L3MBTL4: variants seen among roughly 807,000 people sequenced by gnomAD.
The protein encoded by L3MBTL4 is L3MBTL histone methyl-lysine binding protein 4.
Under a neutral mutation model 84.5 loss-of-function variants are expected in L3MBTL4, and 70 were observed. The ratio of observed to expected loss-of-function variants is 0.83; its 90% CI spans 0.68 to 1.01. L3MBTL4 has a LOEUF of 1.01. Ranked by LOEUF, L3MBTL4 falls within the 50% of genes least tolerant of loss-of-function variation. L3MBTL4 has a pLI of 0.00. For synonymous variants in L3MBTL4, 274 were observed against 259.8 expected, an observed-to-expected ratio of 1.05 and a Z score of -0.52; for missense variants, 715 against 754.8, an observed-to-expected ratio of 0.95 and a Z score of 0.62.
chr18:6,050,844 T>G (rs1028175070), intron 16 of L3MBTL4, among the ~76,000 whole-genome samples: 1 of 152,186 alleles, frequency 6.6e-6, no homozygotes, highest in African/African-American at 2.4e-5. Context: ...CAAATTTTGT[T>G]GTAGAATGTG....
rs904763313 is a variant in L3MBTL4 at position 6,302,011 on chromosome 18, A to G, written c.73-54T>C. 4 of 1,361,960 alleles carry G rather than the reference A, an allele frequency of 2.9e-6. No homozygotes were observed. In the Admixed American group the frequency reaches 6.7e-5, roughly 23 times the overall value. The allele number at this position is 1,361,960 out of a possible 1,614,324, so 84.4% of individuals were successfully genotyped here. ...GTATTGCTGGATAATTGTTGGAAACACTGAAAACTAATGTTCCTTTTTGCA... is the reference window on the plus strand; with the variant it reads ...GTATTGCTGGATAATTGTTGGAAACGCTGAAAACTAATGTTCCTTTTTGCA... On this transcript the variant is annotated intron_variant, in intron 3 of 18. Coordinates refer to ENST00000317931, the MANE Select transcript of L3MBTL4 (RefSeq NM_001330559.2).
chr18:6,054,380 G>A (rs1263117587), intron 16 of L3MBTL4, among the ~76,000 whole-genome samples: 3 of 152,004 alleles, frequency 2.0e-5, no homozygotes, highest in African/African-American at 7.3e-5. Context: ...GTGGAGTCAG[G>A]GGTATGAAAG....
intron 16 of L3MBTL4, among the ~76,000 whole-genome samples, chr18:6,070,697 G>A (rs1398895787): frequency 2.0e-5 from 3 of 152,022 alleles, no homozygotes; most frequent in Non-Finnish European, 4.4e-5. Context: ...AATTAGCCGG[G>A]CATGGTGGCA....
At chr18:6,221,097 C>T (rs2046532008) in intron 10 of L3MBTL4, among the ~76,000 whole-genome samples, 1 of 152,044 alleles carries the variant, frequency 6.6e-6, no homozygotes, top group African/African-American at 2.4e-5. Context: ...TAAAGGCACC[C>T]TCGATTATTT....
intron 16 of L3MBTL4, among the ~76,000 whole-genome samples, chr18:5,971,460 C>T (rs1311807718): frequency 6.6e-6 from 1 of 151,710 alleles, no homozygotes; most frequent in African/African-American, 2.4e-5. Flanking sequence ...ATATATGTAT[C>T]TCAAACTCAT....
chr18:6,175,617 A>G (rs2044193452), intron 12 of L3MBTL4, among the ~76,000 whole-genome samples: 1 of 152,216 alleles, frequency 6.6e-6, no homozygotes, highest in Non-Finnish European at 1.5e-5. Flanking sequence ...ATACAGAAAA[A>G]GTATTTGACA....
intron 10 of L3MBTL4, among the ~76,000 whole-genome samples, chr18:6,229,260 T>G (rs1222084821): frequency 6.6e-6 from 1 of 152,196 alleles, no homozygotes; most frequent in African/African-American, 2.4e-5. Flanking sequence ...TTTTTATCTA[T>G]AAGACTTGTA....
chr18:6,214,707 T>G (rs142578127), intron 11 of L3MBTL4, among the ~76,000 whole-genome samples: 3 of 152,220 alleles, frequency 2.0e-5, no homozygotes, highest in East Asian at 3.9e-4. Flanking sequence ...AGAATCTTTC[T>G]GTTCTCCCCA....
rs769830543 is a variant in L3MBTL4, at chr18:6,238,086, A to G, written c.708-46T>C. 1.4e-5 allele frequency: 22 copies of G among 1,518,724 alleles called. No individual in the cohort carries two copies. In the South Asian group the frequency reaches 2.5e-4, roughly 17 times the overall value. 94.1% of individuals were successfully genotyped at this position (1,518,724 alleles called of 1,614,324 possible). ...ATTACGTTCCGTTTTACTTCATGCC[A>G]GAGAAAGAATTCAAGAGTAACAATC... On this transcript the variant is annotated intron_variant, in intron 9 of 18. Transcript: ENST00000317931.
intron 1 of L3MBTL4, among the ~76,000 whole-genome samples, chr18:6,351,106 G>A (rs547525964): frequency 1.3e-5 from 2 of 152,254 alleles, no homozygotes; most frequent in South Asian, 4.1e-4. Flanking sequence ...TGAGGCAGAA[G>A]AATCACTTGA....
intron 1 of L3MBTL4, among the ~76,000 whole-genome samples, chr18:6,391,706 A>G (rs2055057376): frequency 6.6e-6 from 1 of 151,392 alleles, no homozygotes; most frequent in South Asian, 2.1e-4. Context: ...GCCGAGACTC[A>G]AATCAAGAAC....
At chr18:6,293,005 C>A (rs990211636) in intron 4 of L3MBTL4, among the ~76,000 whole-genome samples, 1 of 152,186 alleles carries the variant, frequency 6.6e-6, no homozygotes, top group African/African-American at 2.4e-5. Context: ...ATGAAACCTC[C>A]AACCTTCTCT....
At chr18:6,010,512 G>C (rs1454629815) in intron 16 of L3MBTL4, among the ~76,000 whole-genome samples, 1 of 152,136 alleles carries the variant, frequency 6.6e-6, no homozygotes, top group Non-Finnish European at 1.5e-5. Context: ...GCTGTAGTCA[G>C]CGCCACTTGC....
intron 4 of L3MBTL4, among the ~76,000 whole-genome samples, chr18:6,275,705 T>A (rs1437385667): frequency 2.0e-5 from 3 of 152,106 alleles, no homozygotes; most frequent in East Asian, 3.9e-4. Flanking sequence ...ATTATCAAGG[T>A]TTTTTAGCCA....
intron 16 of L3MBTL4, among the ~76,000 whole-genome samples, chr18:5,988,669 A>C (rs1234828807): frequency 6.6e-6 from 1 of 152,032 alleles, no homozygotes; most frequent in Admixed American, 6.5e-5. Context: ...TATGCATTTA[A>C]AAAAATCACT....
chr18:6,160,609 T>G (rs966295375), intron 13 of L3MBTL4, among the ~76,000 whole-genome samples: 2 of 151,552 alleles, frequency 1.3e-5, no homozygotes, highest in Admixed American at 1.3e-4. Context: ...GCGGGGTCTG[T>G]AATCCCAGCT....
At chr18:6,341,663 A>C (rs1193612405) in intron 1 of L3MBTL4, among the ~76,000 whole-genome samples, 1 of 152,108 alleles carries the variant, frequency 6.6e-6, no homozygotes, top group East Asian at 1.9e-4. Context: ...ACAAACATAG[A>C]AATTATAGGA....
At chr18:6,259,269 C>G (rs2048293420) in intron 5 of L3MBTL4, 1 of 152,302 alleles carries the variant, frequency 6.6e-6, no homozygotes, top group African/African-American at 2.4e-5. Flanking sequence ...AAGAGGATGA[C>G]ACCATTGATG....
chr18:6,278,043 T>C (rs1008063460), intron 4 of L3MBTL4, among the ~76,000 whole-genome samples: 5 of 152,070 alleles, frequency 3.3e-5, no homozygotes, highest in African/African-American at 1.2e-4. Flanking sequence ...TATAAACACA[T>C]ATATATGTAT....
Sources: gnomAD v4.1 joint callset for allele counts (sites outside exome capture counted in the v4.1 genomes callset) on GRCh38, gnomAD v4.1.1 for gene constraint, MANE v1.5 for transcripts, NCBI Gene and HGNC (gene_info 2026-07-23, HGNC 2026-07-21) for gene names.